ERCC8: variants seen among roughly 807,000 people sequenced by gnomAD.
ERCC8 encodes the protein DNA excision repair protein ERCC-8.
Under a neutral mutation model 54.9 loss-of-function variants are expected in ERCC8, and 52 were observed. The observed-to-expected ratio is 0.95, with a 90% CI of 0.76 to 1.19. The LOEUF is 1.19. Ranked by LOEUF, ERCC8 falls within the 50% of genes most tolerant of loss-of-function variation. The pLI is 0.00. For synonymous variants in ERCC8, 146 were observed against 157.2 expected, an observed-to-expected ratio of 0.93 and a Z score of 0.53; for missense variants, 514 against 466.1, an observed-to-expected ratio of 1.10 and a Z score of -0.95.
intron 4 of ERCC8, among the ~76,000 whole-genome samples, chr5:60,907,762 C>A (rs923540162): frequency 1.3e-5 from 2 of 152,108 alleles, no homozygotes; most frequent in African/African-American, 4.8e-5. Flanking sequence ...ACAAAAAAAA[C>A]AAAGAGCATT....
At chr5:60,907,553 A>G (rs1160653254) in intron 4 of ERCC8, 1 of 152,118 alleles carries the variant, frequency 6.6e-6, no homozygotes, top group Non-Finnish European at 1.5e-5. Flanking sequence ...AGGTTTCACC[A>G]TATTGGCCAG....
chr5:60,909,144 A>G (rs1310411699), intron 4 of ERCC8, among the ~76,000 whole-genome samples: 1 of 150,414 alleles, frequency 6.6e-6, no homozygotes, highest in South Asian at 2.1e-4. Flanking sequence ...GCCCACCAAA[A>G]GGCAGCAGAT....
chr5:60,930,050 A>G (rs771360980), intron 1 of ERCC8, among the ~76,000 whole-genome samples: 3 of 152,248 alleles, frequency 2.0e-5, no homozygotes, highest in Non-Finnish European at 1.5e-5. Flanking sequence ...AATTATAAGC[A>G]TTTTGGAAAT....
At chr5:60,882,767 A>C (rs1055405288) in intron 11 of ERCC8, among the ~76,000 whole-genome samples, 4 of 152,190 alleles carry the variant, frequency 2.6e-5, no homozygotes, top group East Asian at 1.9e-4. Flanking sequence ...TGTATACTGA[A>C]GTCTGTTCAT....
chr5:60,877,801 G>A (rs199799664), intron 11 of ERCC8, among the ~76,000 whole-genome samples: 20 of 152,266 alleles, frequency 1.3e-4, no homozygotes, highest in African/African-American at 3.6e-4. Context: ...TAGATATACA[G>A]TCATGTCATC....
intron 11 of ERCC8, among the ~76,000 whole-genome samples, chr5:60,878,343 G>C (rs529143560): frequency 1.3e-4 from 20 of 151,970 alleles, no homozygotes; most frequent in Non-Finnish European, 2.5e-4. Context: ...TTTTTTTGTT[G>C]TGTCTCTGCC....
chr5:60,923,294 A>AACTT (rs1191151163), intron 2 of ERCC8, among the ~76,000 whole-genome samples: 1 of 152,170 alleles, frequency 6.6e-6, no homozygotes, highest in Non-Finnish European at 1.5e-5. Flanking sequence ...ACATTGATTG[A>AACTT]ACTTAATAAT....
chr5:60,908,174 C>A (rs1396888529), intron 4 of ERCC8, among the ~76,000 whole-genome samples: 2 of 151,886 alleles, frequency 1.3e-5, no homozygotes, highest in African/African-American at 4.8e-5. Flanking sequence ...GGTTAAGTAT[C>A]CCTTATCCAA....
chr5:60,938,085 ATTTTATTT>A (rs1484400064), intron 1 of ERCC8, among the ~76,000 whole-genome samples: 1 of 18,688 alleles, frequency 5.4e-5, no homozygotes, highest in Non-Finnish European at 1.1e-4. Flanking sequence ...ATATATATAT[ATTTTATTT>A]TTTTTTTTTT....
At chr5:60,905,802 A>G (rs2112496631) in intron 4 of ERCC8, among the ~76,000 whole-genome samples, 1 of 152,304 alleles carries the variant, frequency 6.6e-6, no homozygotes, top group Admixed American at 6.5e-5. Context: ...GGGATTTATT[A>G]ATATTACTCT....
chr5:60,883,459 C>T (rs1748305311), intron 11 of ERCC8, among the ~76,000 whole-genome samples: 1 of 152,154 alleles, frequency 6.6e-6, no homozygotes, highest in Non-Finnish European at 1.5e-5. Context: ...TCATCTATAT[C>T]TCACCAGGTT....
Position 60,868,323 on chromosome 5 carries a change from T to G in ERCC8, c.*6292A>C, listed in dbSNP as rs1161911588. On this transcript the variant is annotated 3_prime_UTR_variant, in exon 12 of 12. Coordinates refer to ENST00000676185, the MANE Select transcript of ERCC8 (RefSeq NM_000082.4). ...TGGGACAGAGACACCCATTTCTTTC[T>G]AGACCTCAGAAGAGCATGAACTCGG... is the stretch of plus-strand genomic sequence containing the variant. Among the ~76,000 whole-genome samples the G allele has an allele frequency of 6.6e-6, 1 of 152,210 alleles. No homozygotes were observed. Among genetic ancestry groups the G allele is most frequent in the African/African-American group, 2.4e-5 (1 of 41,456 alleles).
chr5:60,919,414 C>G (rs1749536870), intron 3 of ERCC8: 1 of 151,880 alleles, frequency 6.6e-6, no homozygotes, highest in Admixed American at 6.6e-5. Flanking sequence ...CAACCCTATG[C>G]AGATACAACC....
chr5:60,911,046 T>C (rs1749243305), intron 4 of ERCC8, among the ~76,000 whole-genome samples: 1 of 152,154 alleles, frequency 6.6e-6, no homozygotes, highest in Non-Finnish European at 1.5e-5. Context: ...ATGCAGAGAA[T>C]TTTATTTTTA....
chr5:60,903,668 G>C lies in ERCC8; in HGVS notation c.530C>G (p.Ser177Cys). Reference sequence around the variant, plus strand: ...AATACCCTGTAGAATGTGAGAACAGGATCCAGACTTCAAGTCACAAAGTTG... The same window carrying C: ...AATACCCTGTAGAATGTGAGAACAGCATCCAGACTTCAAGTCACAAAGTTG... ...KVQLCDLKSG[S>C]CSHILQGHRQ... The change falls in exon 6 of 12, where the codon TCC becomes TGC. Residue 177 changes from serine to cysteine, a missense_variant. By Grantham distance (112) the Ser-to-Cys change is moderately radical (BLOSUM62 -1). Transcript: ENST00000676185. 2 of 1,612,678 alleles carry C rather than the reference G, an allele frequency of 1.2e-6. No homozygotes were observed. Among genetic ancestry groups the C allele is most frequent in the Non-Finnish European group, 1.7e-6 (2 of 1,179,154 alleles).
At position 60,870,868 on chromosome 5, in the gene ERCC8, C is replaced by T. The variant is rs1216127641; in HGVS notation, c.*3747G>A. Among the ~76,000 whole-genome samples the T allele has an allele frequency of 6.6e-6, 1 of 152,056 alleles. No individual in the cohort carries two copies. The highest frequency in any genetic ancestry group is 1.5e-5 in the Non-Finnish European group (1 of 68,000). On this transcript the variant is annotated 3_prime_UTR_variant, in exon 12 of 12. Transcript: ENST00000676185. ...AGTGACGGAAGAGAATAAAAAAAGA[C>T]ATCAGATTTCTTGACGAGATTAAGA...
chr5:60,887,293 C>T, intron 11 of ERCC8, 147 bp downstream of exon 11: 1 of 695,110 alleles, frequency 1.4e-6, no homozygotes, highest in South Asian at 1.6e-5. Context: ...CTCAAGTGAT[C>T]ATCTTGCCTC....
At chr5:60,936,302 C>T (rs1279827627) in intron 1 of ERCC8, among the ~76,000 whole-genome samples, 6 of 152,066 alleles carry the variant, frequency 3.9e-5, no homozygotes, top group African/African-American at 1.4e-4. Flanking sequence ...AGTTTATGTG[C>T]ATAAAGATGT....
Position 60,867,673 on chromosome 5 carries a change from G to C in ERCC8, c.*6942C>G, listed in dbSNP as rs1747781657. Among the ~76,000 whole-genome samples the C allele has an allele frequency of 6.6e-6, 1 of 152,242 alleles. No homozygotes were observed. The highest frequency in any genetic ancestry group is 1.5e-5 in the Non-Finnish European group (1 of 68,044). On this transcript the variant is annotated 3_prime_UTR_variant, in exon 12 of 12. Coordinates refer to ENST00000676185, the MANE Select transcript of ERCC8 (RefSeq NM_000082.4). ...AGAAAATATACAGATTTACACAATAGTGGATGATACCATCATGCAGGGTGT... is the reference window on the plus strand; with the variant it reads ...AGAAAATATACAGATTTACACAATACTGGATGATACCATCATGCAGGGTGT...
Sources: allele counts gnomAD v4.1 joint callset (sites outside exome capture counted in the v4.1 genomes callset), GRCh38; gene constraint gnomAD v4.1.1; transcripts MANE v1.5; gene names NCBI Gene and HGNC (gene_info 2026-07-23, HGNC 2026-07-21).